KDM1A: variants seen among roughly 807,000 people sequenced by gnomAD.
KDM1A encodes lysine-specific histone demethylase 1A.
In KDM1A, 49 loss-of-function variants were observed where a neutral mutation model predicts 109.4. The observed-to-expected ratio is 0.45, with a 90% CI of 0.36 to 0.57. The LOEUF is 0.57. KDM1A is among the 20% of genes least tolerant of loss of function. The pLI is 0.00. For synonymous variants in KDM1A, 380 were observed against 415.4 expected (o/e 0.91, Z 1.04); for missense variants, 668 against 1,116.6 (o/e 0.60, Z 5.73).
intron 10 of KDM1A, among the ~76,000 whole-genome samples, chr1:23,067,567 A>C (rs981955230): frequency 1.2e-4 from 18 of 152,182 alleles, no homozygotes; most frequent in African/African-American, 4.1e-4. Context: ...ATTTGCTTCA[A>C]TGTTTTATTT....
intron 1 of KDM1A, 179 bp downstream of exon 1, chr1:23,020,126 T>C: frequency 1.6e-6 from 1 of 633,828 alleles, no homozygotes; most frequent in Non-Finnish European, 2.4e-6. Context: ...GGAAAAGTCT[T>C]TGCCGGTGTT....
intron 1 of KDM1A, among the ~76,000 whole-genome samples, chr1:23,026,801 T>C (rs2124353679): frequency 6.6e-6 from 1 of 152,316 alleles, no homozygotes; most frequent in East Asian, 1.9e-4. Context: ...GAGTCATCAA[T>C]GTGAAAGTAA....
chr1:23,045,314 A>T (rs1232847266), intron 3 of KDM1A, among the ~76,000 whole-genome samples: 1 of 152,226 alleles, frequency 6.6e-6, no homozygotes, highest in Non-Finnish European at 1.5e-5. Context: ...AGTCTACTTT[A>T]AAATTATTTG....
At chr1:23,023,143 C>T (rs1261766302) in intron 1 of KDM1A, among the ~76,000 whole-genome samples, 2 of 152,128 alleles carry the variant, frequency 1.3e-5, no homozygotes, top group East Asian at 1.9e-4. Flanking sequence ...ATCCTTGGCT[C>T]ATTTTTAAAA....
intron 2 of KDM1A, among the ~76,000 whole-genome samples, chr1:23,042,440 A>ATTTTTTTTTTTTTTTTTTTTT (rs769149894): frequency 4.6e-5 from 1 of 21,560 alleles, no homozygotes; most frequent in African/African-American, 1.6e-4. Context: ...GAAATATATT[A>ATTTTTTTTTTTTTTTTTTTTT]TTTTTTTTTT....
chr1:23,042,441 T>TTATTA (rs1553127469), intron 2 of KDM1A, among the ~76,000 whole-genome samples: 6 of 24,220 alleles, frequency 2.5e-4, no homozygotes, highest in South Asian at 1.9e-3. Context: ...AAATATATTA[T>TTATTA]TTTTTTTTTT....
intron 16 of KDM1A, 92 bp downstream of exon 16, chr1:23,077,452 T>TA: frequency 1.5e-6 from 2 of 1,357,108 alleles, no homozygotes; most frequent in Non-Finnish European, 2.0e-6. Context: ...CATTTCCTGA[T>TA]AGAGTGTTTA....
At chr1:23,055,907 C>G in intron 6 of KDM1A, 25 bp from the exon 7 acceptor site, 1 of 1,512,302 alleles carries the variant, frequency 6.6e-7, no homozygotes, top group Non-Finnish European at 9.1e-7. Flanking sequence ...AAAACAAAAT[C>G]TTTTTTTTCA....
chr1:23,053,814 C>A lies in KDM1A; in HGVS notation c.765C>A (p.Leu255=). The part of the protein sequence containing the change: ...PKIQLTFEAT[L]QQLEAPYNSD... ...TTCAGCTGACATTTGAGGCTACTCT[C>A]CAACAATTAGAAGCACCTTATAACA... Residue 255 remains leucine (L), a synonymous_variant, in exon 5 of 21, where the codon CTC becomes CTA. Coordinates refer to ENST00000400181, the MANE Select transcript of KDM1A (RefSeq NM_001009999.3). 6.2e-7 allele frequency: 1 copy of A among 1,606,150 alleles called. No individual in the cohort carries two copies. The highest frequency in any genetic ancestry group is 8.5e-7 in the Non-Finnish European group (1 of 1,172,884).
At chr1:23,070,597 A>G (rs1255711814) in intron 12 of KDM1A, among the ~76,000 whole-genome samples, 1 of 152,156 alleles carries the variant, frequency 6.6e-6, no homozygotes, top group Non-Finnish European at 1.5e-5. Flanking sequence ...TCACGAGGTC[A>G]AGAGATCGAG....
chr1:23,019,932 G>T lies in KDM1A; in HGVS notation c.336G>T (p.Arg112=), dbSNP rs1343545064. Residue 112 remains arginine, a synonymous_variant, in exon 1 of 21, where the codon CGG becomes CGT. Transcript: ENST00000400181. ...AETPEGRRTS[R]RKRAKVEYRE... is the part of the protein sequence containing the mutation. ...CTCCGGAGGGGCGTCGGACCAGCCG[G>T]CGCAAGCGGGCGAAGGTAAGGCTCG... 20 of 1,567,044 alleles carry T rather than the reference G, an allele frequency of 1.3e-5. No individual in the cohort carries two copies. Among genetic ancestry groups the T allele is most frequent in the Non-Finnish European group, 1.6e-5 (18 of 1,159,470 alleles).
chr1:23,081,539 T>G lies in KDM1A; in HGVS notation c.2264T>G (p.Leu755Arg), dbSNP rs1468089578. The G allele has an allele frequency of 6.2e-7, 1 of 1,614,204 alleles. No homozygotes were observed. The highest frequency in any genetic ancestry group is 1.1e-5 in the South Asian group (1 of 91,082). Residue 755 changes from leucine (L) to arginine (R), a missense_variant, in exon 19 of 21, where the codon CTC (leucine) becomes CGC (arginine). By Grantham distance (102) the Leu-to-Arg change is moderately radical (BLOSUM62 -2). Around this residue, in one of 8 missense-constraint regions of KDM1A, gnomAD observed 162 missense variants for 376.4 expected, o/e 0.43. Coordinates refer to ENST00000400181, the MANE Select transcript of KDM1A (RefSeq NM_001009999.3). ...DVIVGRCLAI[L>R]KGIFGSSAVP... ...ATTGTTGGCCGATGCCTGGCCATTC[T>G]CAAAGGGATTTTTGGTAGCAGTGCA... is the stretch of plus-strand genomic sequence containing the variant.
chr1:23,021,841 C>G (rs1641641101), intron 1 of KDM1A, among the ~76,000 whole-genome samples: 1 of 152,150 alleles, frequency 6.6e-6, no homozygotes, highest in Non-Finnish European at 1.5e-5. Flanking sequence ...CAGTCACTCC[C>G]CAGTCCTCCC....
At chr1:23,043,024 C>T (rs1054903668) in intron 2 of KDM1A, among the ~76,000 whole-genome samples, 5 of 152,196 alleles carry the variant, frequency 3.3e-5, no homozygotes, top group Admixed American at 1.3e-4. Context: ...GATGGGATTA[C>T]AGGCCTGAGC....
chr1:23,033,255 C>G (rs1642042908), intron 2 of KDM1A, among the ~76,000 whole-genome samples: 1 of 152,146 alleles, frequency 6.6e-6, no homozygotes, highest in Non-Finnish European at 1.5e-5. Context: ...AGGTTAGGGC[C>G]AGGCGCGGTG....
At chr1:23,029,122 A>G (rs1017030372) in intron 1 of KDM1A, among the ~76,000 whole-genome samples, 7 of 152,144 alleles carry the variant, frequency 4.6e-5, no homozygotes, top group South Asian at 4.1e-4. Context: ...CTGTGGTCCT[A>G]TCATTTAAAA....
chr1:23,079,416 A>G lies in KDM1A; in HGVS notation c.2056-137A>G. ...ACAAACTCAGGCCTATAAAAAGGGGATCGTAAATGTCATCCTAAATAATAA... is the reference window on the plus strand; with the variant it reads ...ACAAACTCAGGCCTATAAAAAGGGGGTCGTAAATGTCATCCTAAATAATAA... On this transcript the variant is annotated intron_variant, in intron 17 of 20. Coordinates refer to ENST00000400181, the MANE Select transcript of KDM1A (RefSeq NM_001009999.3). This position sits in a 1 kb window ranked among gnomAD's most constrained non-coding sequence, Gnocchi z 5.6. 2.7e-6 allele frequency: 2 copies of G among 729,204 alleles called. No homozygotes were observed. The highest frequency in any genetic ancestry group is 5.4e-5 in the East Asian group (2 of 37,382). The allele number at this position is 729,204 out of a possible 1,614,324, so 45.2% of individuals were successfully genotyped here.
chr1:23,020,009 C>CG (rs1274158402), intron 1 of KDM1A, 62 bp downstream of exon 1: 12 of 1,388,042 alleles, frequency 8.6e-6, no homozygotes, highest in Non-Finnish European at 1.1e-5. Flanking sequence ...GAGGCTTCTC[C>CG]GCCCTCCCCC....
In KDM1A at chr1:23,050,400, A is replaced by G. The variant is rs1240295517; in HGVS notation, c.591A>G (p.Ala197=). 2 of 1,610,586 alleles carry G rather than the reference A, an allele frequency of 1.2e-6. No homozygotes were observed. Among genetic ancestry groups the G allele is most frequent in the Non-Finnish European group, 1.7e-6 (2 of 1,178,548 alleles). ...TTTCTTCGTTAGGTGTGGAGGGCGC[A>G]GCTTTCCAGAGCCGACTTCCTCATG... is the stretch of plus-strand genomic sequence containing the variant. The part of the protein sequence containing the change: ...GDGQASGVEG[A]AFQSRLPHDR... The change falls in exon 4 of 21, where the codon GCA becomes GCG. Residue 197 remains alanine, a synonymous_variant. Transcript: ENST00000400181.
Sources: gnomAD v4.1 joint callset for allele counts (sites outside exome capture counted in the v4.1 genomes callset) on GRCh38, gnomAD v4.1.1 for gene constraint, gnomAD v4.1.1 regional missense constraint, Gnocchi (gnomAD v3.1) non-coding constraint, MANE v1.5 for transcripts, NCBI Gene and HGNC (gene_info 2026-07-23, HGNC 2026-07-21) for gene names.